The following NARS2 variants were observed in gnomAD, a reference collection of about 807,000 sequenced individuals.
NARS2 encodes the protein asparaginyl-tRNA synthetase 2, mitochondrial.
In NARS2, 60 loss-of-function variants were observed where a neutral mutation model predicts 62.9. The observed-to-expected ratio is 0.95, with a 90% confidence interval of 0.77 to 1.18. The LOEUF (loss-of-function observed/expected upper bound fraction) is 1.18, where lower values mean the gene tolerates loss of function less well. Among genes scored for constraint, NARS2 ranks in the 50% most tolerant of loss-of-function variants. The pLI is 0.00. For missense variants in NARS2, 619 were observed against 576.4 expected, an observed-to-expected ratio of 1.07 and a Z score of -0.76; for synonymous variants, 196 against 200.0, an observed-to-expected ratio of 0.98 and a Z score of 0.17.
intron 5 of NARS2, among the ~76,000 whole-genome samples, chr11:78,539,500 T>C (rs1250599476): frequency 2.0e-5 from 3 of 152,206 alleles, no homozygotes; most frequent in Admixed American, 1.3e-4. Context: ...CATACTATGT[T>C]TGAATGCATA....
At chr11:78,534,278 T>C (rs1450567175) in intron 5 of NARS2, among the ~76,000 whole-genome samples, 1 of 152,226 alleles carries the variant, frequency 6.6e-6, no homozygotes, top group East Asian at 1.9e-4. Context: ...CACATCCTTG[T>C]CAGCATTTGG....
chr11:78,509,579 G>C (rs975540900), intron 6 of NARS2, among the ~76,000 whole-genome samples: 1 of 152,028 alleles, frequency 6.6e-6, no homozygotes, highest in African/African-American at 2.4e-5. Flanking sequence ...AATTTTGGTT[G>C]TAAATCCACA....
intron 5 of NARS2, among the ~76,000 whole-genome samples, chr11:78,555,835 C>T (rs1856332564): frequency 6.6e-6 from 1 of 152,170 alleles, no homozygotes; most frequent in Admixed American, 6.6e-5. Flanking sequence ...GATTTTCCCT[C>T]TGAACACTGC....
At chr11:78,545,776 T>C (rs114891268) in intron 5 of NARS2, among the ~76,000 whole-genome samples, 1,568 of 152,158 alleles carry the variant, frequency 0.01, 22 homozygotes, top group African/African-American at 0.036. Context: ...TCAAGTGATA[T>C]ATACGCCTGC....
At chr11:78,525,634 T>C (rs80081399) in intron 6 of NARS2, among the ~76,000 whole-genome samples, 2,907 of 152,168 alleles carry the variant, frequency 0.019, 88 homozygotes, top group African/African-American at 0.066. Context: ...ATTCCAAACA[T>C]TCTCCCTCCT....
At chr11:78,557,878 G>A (rs1347481723) in intron 5 of NARS2, among the ~76,000 whole-genome samples, 2 of 149,480 alleles carry the variant, frequency 1.3e-5, no homozygotes, top group Non-Finnish European at 3.0e-5. Context: ...CTGCTTATGG[G>A]ATTTCCCTGG....
intron 11 of NARS2, among the ~76,000 whole-genome samples, chr11:78,462,926 T>C (rs957061173): frequency 1.3e-5 from 2 of 152,216 alleles, no homozygotes; most frequent in African/African-American, 2.4e-5. Context: ...CAGTAAAGTG[T>C]AGTTTTTGGG....
chr11:78,468,512 C>T (rs1446118817), intron 10 of NARS2, among the ~76,000 whole-genome samples: 7 of 150,256 alleles, frequency 4.7e-5, no homozygotes, highest in Admixed American at 1.3e-4. Context: ...TCATGCCATT[C>T]TCCTGCCTCA....
intron 11 of NARS2, among the ~76,000 whole-genome samples, chr11:78,462,381 A>G (rs1022206233): frequency 6.6e-6 from 1 of 152,230 alleles, no homozygotes; most frequent in Non-Finnish European, 1.5e-5. Context: ...AAAAGAGAAT[A>G]TAAGAATCAT....
intron 5 of NARS2, among the ~76,000 whole-genome samples, chr11:78,537,683 T>A (rs975500086): frequency 6.6e-6 from 1 of 152,108 alleles, no homozygotes; most frequent in Admixed American, 6.5e-5. Flanking sequence ...TGCCTGTAGT[T>A]CCAGCTACTG....
chr11:78,465,883 T>C lies in NARS2; in HGVS notation c.1157A>G (p.Gln386Arg), dbSNP rs1858598146. 6.2e-7 allele frequency: 1 copy of C among 1,614,206 alleles called. No individual in the cohort carries two copies. The highest frequency in any genetic ancestry group is 8.5e-7 in the Non-Finnish European group (1 of 1,180,012). Residue 386 changes from glutamine (Q) to arginine (R), a missense_variant, in exon 11 of 14, where the codon CAG becomes CGG. Coordinates refer to ENST00000281038, the MANE Select transcript of NARS2 (RefSeq NM_024678.6). ...TTTAGTATCTCTTCTTACCGTGTGCTGAGGGCCATCTTCATTATCCCTCAT... is the reference window on the plus strand; with the variant it reads ...TTTAGTATCTCTTCTTACCGTGTGCCGAGGGCCATCTTCATTATCCCTCAT... ...FYMRDNEDGPQHTVAAVDLLV... is the reference protein window; with the variant it reads ...FYMRDNEDGPRHTVAAVDLLV...
chr11:78,457,933 T>A (rs1301935201), intron 11 of NARS2, among the ~76,000 whole-genome samples: 2 of 152,040 alleles, frequency 1.3e-5, no homozygotes, highest in Non-Finnish European at 2.9e-5. Context: ...AATAAAACAT[T>A]TTTTGAGCTC....
chr11:78,542,912 A>C (rs1565271201), intron 5 of NARS2, among the ~76,000 whole-genome samples: 1 of 151,958 alleles, frequency 6.6e-6, no homozygotes, highest in Non-Finnish European at 1.5e-5. Context: ...GTCAAAACAA[A>C]CCCCCCCACA....
intron 7 of NARS2, among the ~76,000 whole-genome samples, chr11:78,490,967 T>C (rs1859793918): frequency 6.6e-6 from 1 of 152,162 alleles, no homozygotes; most frequent in Non-Finnish European, 1.5e-5. Context: ...CCTCAATGTT[T>C]TTACTAATAT....
At chr11:78,465,725 C>T (rs947105835) in intron 11 of NARS2, 151 bp downstream of exon 11, 4 of 840,840 alleles carry the variant, frequency 4.8e-6, no homozygotes, top group Admixed American at 2.9e-5. Flanking sequence ...CTGGGATCTT[C>T]TTTGGGAAAA....
At chr11:78,471,733 G>C (rs367869926) in intron 9 of NARS2, among the ~76,000 whole-genome samples, 4 of 130,876 alleles carry the variant, frequency 3.1e-5, no homozygotes, top group African/African-American at 1.2e-4. Context: ...CCCTTCCTGT[G>C]TCCATGTGAT....
At chr11:78,551,938 A>G (rs1452605377) in intron 5 of NARS2, among the ~76,000 whole-genome samples, 1 of 152,114 alleles carries the variant, frequency 6.6e-6, no homozygotes, top group Non-Finnish European at 1.5e-5. Context: ...TTTATTTCCT[A>G]TGATTCACCA....
At chr11:78,499,373 C>T (rs371181628) in intron 6 of NARS2, among the ~76,000 whole-genome samples, 14 of 152,130 alleles carry the variant, frequency 9.2e-5, no homozygotes, top group African/African-American at 2.9e-4. Context: ...TCAAGTGACC[C>T]TCCTGCCTCA....
intron 6 of NARS2, among the ~76,000 whole-genome samples, chr11:78,503,341 G>A (rs911142719): frequency 6.6e-6 from 1 of 152,140 alleles, no homozygotes; most frequent in Non-Finnish European, 1.5e-5. Flanking sequence ...AGGTTCAAGC[G>A]ATTCTCCTGT....
Sources: gnomAD v4.1 joint callset for allele counts (sites outside exome capture counted in the v4.1 genomes callset) on GRCh38, gnomAD v4.1.1 for gene constraint, MANE v1.5 for transcripts, NCBI Gene and HGNC (gene_info 2026-07-23, HGNC 2026-07-21) for gene names.